The following NPC1 variants were observed in gnomAD, a reference collection of about 807,000 sequenced individuals.
NPC1 encodes NPC intracellular cholesterol transporter 1, also known as Niemann-Pick C1 protein.
Under a neutral mutation model 140.4 loss-of-function variants are expected in NPC1, and 85 were observed. The ratio of observed to expected loss-of-function variants is 0.61; its 90% CI spans 0.51 to 0.72. The LOEUF (loss-of-function observed/expected upper bound fraction) is 0.72. Among genes scored for constraint, NPC1 ranks in the 30% least tolerant of loss-of-function variants. NPC1 has a pLI of 0.00. For missense variants in NPC1, 1,504 were observed against 1,623.8 expected (o/e 0.93, Z 1.27); for synonymous variants, 656 against 624.8 (o/e 1.05, Z -0.74).
chr18:23,548,137 G>A, intron 10 of NPC1, 29 bp from the exon 11 acceptor site: 1 of 1,354,806 alleles, frequency 7.4e-7, no homozygotes, highest in Non-Finnish European at 1.1e-6. Context: ...ACATCAAAAA[G>A]CAGATTACAA....
intron 6 of NPC1, 59 bp from the exon 7 acceptor site, chr18:23,557,249 TG>T: frequency 7.6e-7 from 1 of 1,309,104 alleles, no homozygotes; most frequent in Non-Finnish European, 1.1e-6. Context: ...AGGTTGTTTT[TG>T]GGACATTCCT....
downstream of NPC1, among the ~76,000 whole-genome samples, chr18:23,530,878 TAGC>T (rs1473332129): frequency 6.6e-6 from 1 of 152,168 alleles, no homozygotes. Context: ...CCATCTCTTA[TAGC>T]AGATCTTGGA....
downstream of NPC1, chr18:23,529,241 G>C: frequency 1.9e-6 from 3 of 1,614,034 alleles, no homozygotes; most frequent in Non-Finnish European, 2.5e-6. Flanking sequence ...GGACCCAGGC[G>C]GTGCTGGACC....
intron 10 of NPC1, among the ~76,000 whole-genome samples, chr18:23,548,951 G>A (rs1167164794): frequency 6.6e-6 from 1 of 151,806 alleles, no homozygotes; most frequent in African/African-American, 2.4e-5. Context: ...CACCATTGCT[G>A]GCTAATTTTT....
intron 22 of NPC1, among the ~76,000 whole-genome samples, chr18:23,535,002 G>A (rs2058605753): frequency 6.6e-6 from 1 of 152,082 alleles, no homozygotes; most frequent in Admixed American, 6.6e-5. Context: ...CACATAGGAG[G>A]CAAAAGGCAC....
rs752145311 is a variant in NPC1, at chr18:23,560,351, G to A, written c.761C>T (p.Pro254Leu). The part of the protein sequence containing the change: ...SIVCGPKPQP[P>L]PPPAPWTILG... ...GATCGTCCAGGGAGCAGGAGGAGGT[G>A]GGGGCTGGGGCTTGGGGCCACAGAC... Residue 254 changes from proline to leucine, a missense_variant, in exon 6 of 25, where the codon CCA becomes CTA. Coordinates refer to ENST00000269228, the MANE Select transcript of NPC1 (RefSeq NM_000271.5). 6.2e-7 allele frequency: 1 copy of A among 1,614,098 alleles called. No individual in the cohort carries two copies. Among genetic ancestry groups the A allele is most frequent in the Non-Finnish European group, 8.5e-7 (1 of 1,180,050 alleles).
intron 4 of NPC1, 62 bp from the exon 5 acceptor site, chr18:23,561,589 A>T: frequency 6.4e-7 from 1 of 1,564,550 alleles, no homozygotes; most frequent in South Asian, 1.1e-5. Context: ...ACGAGGCAAG[A>T]TCTTACAAAA....
intron 1 of NPC1, chr18:23,524,111 A>C (rs2058224733): frequency 3.1e-6 from 5 of 1,613,956 alleles, no homozygotes; most frequent in Admixed American, 3.3e-5. Context: ...CGTTGCACTT[A>C]TGTTTTCTCA....
intron 1 of NPC1, among the ~76,000 whole-genome samples, chr18:23,577,216 T>C (rs1262975269): frequency 1.4e-4 from 21 of 151,700 alleles, no homozygotes; most frequent in African/African-American, 3.9e-4. Flanking sequence ...AGGGTGCTGA[T>C]TGGTGTGTTT....
chr18:23,530,674 G>C, downstream of NPC1: 1 of 1,511,788 alleles, frequency 6.6e-7, no homozygotes, highest in Non-Finnish European at 9.0e-7. Context: ...GAGGGCACTG[G>C]CAGCTGGTGG....
In NPC1 at chr18:23,543,521, C is replaced by T. The variant is rs746202628; in HGVS notation, c.2179G>A (p.Val727Ile). Residue 727 changes from valine to isoleucine, a missense_variant, in exon 14 of 25, where the codon GTC becomes ATC. Transcript: ENST00000269228. ...GETLDQQLGRVLGEVAPSMFL... is the reference protein window; with the variant it reads ...GETLDQQLGRILGEVAPSMFL... Reference sequence around the variant, plus strand: ...ATACTGGGAGCCACTTCTCCTAGGACCCTGCCCAGCTGCTGATCCAGGGTT... The same window carrying T: ...ATACTGGGAGCCACTTCTCCTAGGATCCTGCCCAGCTGCTGATCCAGGGTT... The T allele has an allele frequency of 6.2e-7, 1 of 1,612,024 alleles. No homozygotes were observed. Among genetic ancestry groups the T allele is most frequent in the South Asian group, 1.1e-5 (1 of 91,000 alleles).
At chr18:23,555,842 C>T (rs1221246187) in intron 8 of NPC1, among the ~76,000 whole-genome samples, 1 of 152,188 alleles carries the variant, frequency 6.6e-6, no homozygotes, top group Non-Finnish European at 1.5e-5. Flanking sequence ...CCCAGGACAG[C>T]AGTAAGGGCT....
intron 14 of NPC1, among the ~76,000 whole-genome samples, chr18:23,541,840 G>A (rs141534344): frequency 6.6e-6 from 1 of 152,140 alleles, no homozygotes; most frequent in Non-Finnish European, 1.5e-5. Context: ...TTAGTTAAGA[G>A]GTAATCTACA....
At chr18:23,519,784 G>A (rs953347631), downstream of NPC1, among the ~76,000 whole-genome samples, 1 of 152,158 alleles carries the variant, frequency 6.6e-6, no homozygotes, top group African/African-American at 2.4e-5. Context: ...ACAGTGCTGG[G>A]GGATAATGGT....
In NPC1 at chr18:23,532,108, C is replaced by A. The variant is rs573009552; in HGVS notation, c.*94G>T. 1.2e-6 allele frequency: 2 copies of A among 1,613,588 alleles called. No individual in the cohort carries two copies. The highest frequency in any genetic ancestry group is 1.7e-5 in the Admixed American group (1 of 60,010). The stretch of plus-strand genomic sequence containing the variant: ...CAAACAACCGATGGTTGGCACCATC[C>A]GGTGTTCAACTTGGCCTTGCCGATG... On this transcript the variant is annotated 3_prime_UTR_variant, in exon 25 of 25. Coordinates refer to ENST00000269228, the MANE Select transcript of NPC1 (RefSeq NM_000271.5).
At chr18:23,557,039 A>T in intron 7 of NPC1, 78 bp downstream of exon 7, 1 of 1,215,108 alleles carries the variant, frequency 8.2e-7, no homozygotes, top group Admixed American at 1.7e-5. Context: ...CCACTGCTGC[A>T]ACCCCACTGA....
chr18:23,565,657 C>CTTTAGT (rs111810367), intron 4 of NPC1, among the ~76,000 whole-genome samples: 6,363 of 152,166 alleles, frequency 0.042, 403 homozygotes, highest in African/African-American at 0.14. Context: ...CCCGGCTGTT[C>CTTTAGT]TTTAAAGTGT....
rs1310737578 is a variant in NPC1, at chr18:23,533,566, T to A, written c.3592-49A>T. ...GAAACCACTTTTACCAACCTGTAATTGAACAAAAACACTTCCTTACAAGGA... is the reference window on the plus strand; with the variant it reads ...GAAACCACTTTTACCAACCTGTAATAGAACAAAAACACTTCCTTACAAGGA... On this transcript the variant is annotated intron_variant, in intron 23 of 24. Coordinates refer to ENST00000269228, the MANE Select transcript of NPC1 (RefSeq NM_000271.5). 3.8e-6 allele frequency: 6 copies of A among 1,561,298 alleles called. 1 individual carries two copies. In the African/African-American group the frequency reaches 6.7e-5, roughly 18 times the overall value.
chr18:23,539,766 A>G (rs200892837), intron 18 of NPC1, 45 bp downstream of exon 18: 124 of 1,594,376 alleles, frequency 7.8e-5, no homozygotes, highest in Admixed American at 1.3e-4. Context: ...CCTGGCTGAG[A>G]GCCTCCTCCG....
Sources: gnomAD v4.1 joint callset for allele counts (sites outside exome capture counted in the v4.1 genomes callset) on GRCh38, gnomAD v4.1.1 for gene constraint, MANE v1.5 for transcripts, NCBI Gene and HGNC (gene_info 2026-07-23, HGNC 2026-07-21) for gene names.